Variants in RNLS observed in about 807,000 individuals in gnomAD.
RNLS encodes renalase.
RNLS carries 39 observed loss-of-function variants against 39.8 expected under a neutral mutation model. The ratio of observed to expected loss-of-function variants is 0.98; its 90% CI spans 0.76 to 1.28. RNLS has a LOEUF of 1.28. RNLS is among the 50% of genes most tolerant of loss of function. RNLS has a pLI of 0.00. For synonymous variants in RNLS, 147 were observed against 150.7 expected (o/e 0.98, Z 0.18); for missense variants, 410 against 413.3 (o/e 0.99, Z 0.07).
At chr10:88,443,159 C>T (rs1051891438) in intron 4 of RNLS, among the ~76,000 whole-genome samples, 2 of 152,198 alleles carry the variant, frequency 1.3e-5, no homozygotes, top group African/African-American at 4.8e-5. Context: ...ACAAATTTTA[C>T]AATTTTATGA....
At chr10:88,456,162 C>T (rs563455895) in intron 4 of RNLS, among the ~76,000 whole-genome samples, 10 of 152,222 alleles carry the variant, frequency 6.6e-5, no homozygotes, top group Admixed American at 5.9e-4. Context: ...TGCAATGTCT[C>T]CCCATGCTGG....
At chr10:88,501,415 CAA>C (rs1035900594) in intron 4 of RNLS, among the ~76,000 whole-genome samples, 5 of 152,212 alleles carry the variant, frequency 3.3e-5, no homozygotes, top group African/African-American at 1.2e-4. Context: ...CACAGCAATG[CAA>C]AGAGTAGTAT....
intron 4 of RNLS, among the ~76,000 whole-genome samples, chr10:88,421,257 A>G (rs1484805059): frequency 2.6e-5 from 4 of 151,372 alleles, no homozygotes; most frequent in Non-Finnish European, 4.4e-5. Context: ...CCCATAGCCT[A>G]TGATTCTGTG....
At chr10:88,436,267 G>A (rs1439683463) in intron 4 of RNLS, among the ~76,000 whole-genome samples, 1 of 152,136 alleles carries the variant, frequency 6.6e-6, no homozygotes, top group Non-Finnish European at 1.5e-5. Flanking sequence ...AGACCCAGGG[G>A]CTGGATGGAG....
intron 4 of RNLS, among the ~76,000 whole-genome samples, chr10:88,517,499 T>C (rs1846474808): frequency 6.6e-6 from 1 of 151,912 alleles, no homozygotes; most frequent in African/African-American, 2.4e-5. Flanking sequence ...AACGTTTACT[T>C]TGATATTTAT....
At chr10:88,279,712 A>G (rs976209775), downstream of RNLS, among the ~76,000 whole-genome samples, 1 of 152,206 alleles carries the variant, frequency 6.6e-6, no homozygotes, top group South Asian at 2.1e-4. Flanking sequence ...CTTTGCATTC[A>G]GCACATATGG....
chr10:88,509,405 G>C (rs1268433530), intron 4 of RNLS, among the ~76,000 whole-genome samples: 2 of 146,746 alleles, frequency 1.4e-5, no homozygotes, highest in Non-Finnish European at 3.0e-5. Context: ...AAAAAGTATT[G>C]ATGAATGATA....
At chr10:88,488,392 C>T (rs192094042) in intron 4 of RNLS, among the ~76,000 whole-genome samples, 2 of 151,620 alleles carry the variant, frequency 1.3e-5, no homozygotes, top group African/African-American at 4.8e-5. Flanking sequence ...ACTAAAAATA[C>T]AAAATTAGCT....
intron 6 of RNLS, among the ~76,000 whole-genome samples, chr10:88,294,543 T>C (rs1843930036): frequency 6.6e-6 from 1 of 152,132 alleles, no homozygotes. Flanking sequence ...CCCTTAACGT[T>C]CTCCTATTTT....
chr10:88,254,346 C>A, the RNLS span, among the ~76,000 whole-genome samples: 1 of 152,164 alleles, frequency 6.6e-6, no homozygotes, highest in African/African-American at 2.4e-5. Flanking sequence ...GTCTTTCTCC[C>A]CAAACTATGA....
chr10:88,462,591 C>A (rs985820023), intron 4 of RNLS, among the ~76,000 whole-genome samples: 1 of 151,780 alleles, frequency 6.6e-6, no homozygotes, highest in African/African-American at 2.4e-5. Context: ...CACAGTCTAA[C>A]AGTCTAATGG....
chr10:88,201,733 A>G, the RNLS span, among the ~76,000 whole-genome samples: 1 of 151,766 alleles, frequency 6.6e-6, no homozygotes, highest in Non-Finnish European at 1.5e-5. Context: ...GGGGTAGTTT[A>G]TTACACAGTA....
chr10:88,319,792 AG>A (rs1413768963), intron 5 of RNLS, among the ~76,000 whole-genome samples: 1 of 152,154 alleles, frequency 6.6e-6, no homozygotes, highest in African/African-American at 2.4e-5. Flanking sequence ...GATTATGTAA[AG>A]TGAACAAACA....
intron 6 of RNLS, among the ~76,000 whole-genome samples, chr10:88,297,856 T>A (rs1318948079): frequency 6.6e-6 from 1 of 152,148 alleles, no homozygotes; most frequent in Non-Finnish European, 1.5e-5. Context: ...CATCTAGGAG[T>A]GGAATTGCTG....
At chr10:88,521,965 T>C (rs961145775) in intron 4 of RNLS, among the ~76,000 whole-genome samples, 4 of 152,058 alleles carry the variant, frequency 2.6e-5, no homozygotes, top group African/African-American at 9.7e-5. Context: ...CAATAACTCT[T>C]GCTTAACCTT....
intron 4 of RNLS, among the ~76,000 whole-genome samples, chr10:88,549,411 A>G (rs1000324764): frequency 6.6e-6 from 1 of 151,748 alleles, no homozygotes; most frequent in Non-Finnish European, 1.5e-5. Flanking sequence ...AAAAAAAAAA[A>G]AACAAGTTGT....
the RNLS span, among the ~76,000 whole-genome samples, chr10:88,229,349 C>A: frequency 5.9e-5 from 9 of 152,042 alleles, no homozygotes; most frequent in African/African-American, 1.4e-4. Flanking sequence ...GTAGTTAGAC[C>A]CCTCTAATAG....
chr10:88,489,490 T>C (rs1013665781), intron 4 of RNLS, among the ~76,000 whole-genome samples: 5 of 152,224 alleles, frequency 3.3e-5, no homozygotes, highest in Non-Finnish European at 5.9e-5. Flanking sequence ...GAGGCTGGTA[T>C]GAATACTAGG....
chr10:88,178,241 C>G, the RNLS span, among the ~76,000 whole-genome samples: 1 of 152,042 alleles, frequency 6.6e-6, no homozygotes, highest in African/African-American at 2.4e-5. Flanking sequence ...TCAGTGAGTC[C>G]CAGGGATGTG....
Sources: allele counts gnomAD v4.1 joint callset (sites outside exome capture counted in the v4.1 genomes callset), GRCh38; gene constraint gnomAD v4.1.1; transcripts MANE v1.5; gene names NCBI Gene and HGNC (gene_info 2026-07-23, HGNC 2026-07-21).